The following ENAH variants were observed in gnomAD, a reference collection of about 807,000 sequenced individuals.
ENAH encodes the protein protein enabled homolog.
Under a neutral mutation model 78.7 loss-of-function variants are expected in ENAH, and 23 were observed. The ratio of observed to expected loss-of-function variants is 0.29; its 90% CI spans 0.21 to 0.41. The LOEUF (loss-of-function observed/expected upper bound fraction) is 0.41. Ranked by LOEUF, ENAH falls within the 10% of genes least tolerant of loss-of-function variation. The pLI is 1.00. For synonymous variants in ENAH, 226 were observed against 241.0 expected (o/e 0.94, Z 0.58); for missense variants, 544 against 691.0 (o/e 0.79, Z 2.39).
At chr1:225,607,830 T>A (rs1484009489) in intron 1 of ENAH, among the ~76,000 whole-genome samples, 2 of 152,124 alleles carry the variant, frequency 1.3e-5, no homozygotes, top group African/African-American at 4.8e-5. Flanking sequence ...CACTGACAGC[T>A]GAGGGTCCCC....
chr1:225,574,519 T>C (rs944367441), intron 1 of ENAH, among the ~76,000 whole-genome samples: 1 of 151,862 alleles, frequency 6.6e-6, no homozygotes, highest in Non-Finnish European at 1.5e-5. Context: ...TGAGATTCGC[T>C]TGAACCTGGG....
intron 1 of ENAH, among the ~76,000 whole-genome samples, chr1:225,615,100 C>A (rs1306281032): frequency 6.6e-6 from 1 of 152,138 alleles, no homozygotes; most frequent in Non-Finnish European, 1.5e-5. Flanking sequence ...CGAGCGGAGG[C>A]TGGACTGTGC....
intron 4 of ENAH, among the ~76,000 whole-genome samples, chr1:225,523,081 C>G (rs2096482307): frequency 6.6e-6 from 1 of 152,024 alleles, no homozygotes; most frequent in Non-Finnish European, 1.5e-5. Flanking sequence ...TTCTACAACT[C>G]CCTCACTACA....
chr1:225,549,238 G>A (rs1193177107), intron 3 of ENAH, among the ~76,000 whole-genome samples: 1 of 152,144 alleles, frequency 6.6e-6, no homozygotes, highest in African/African-American at 2.4e-5. Context: ...TTTGTCCAGG[G>A]TTATCTTTGG....
At chr1:225,551,495 G>GTTCC (rs1558799452) in intron 3 of ENAH, among the ~76,000 whole-genome samples, 2 of 152,100 alleles carry the variant, frequency 1.3e-5, no homozygotes, top group African/African-American at 2.4e-5. Flanking sequence ...AGCACAAAAC[G>GTTCC]TGAGCTAGTA....
chr1:225,497,193 G>A lies in ENAH; in HGVS notation c.*582C>T, dbSNP rs995059712. The A allele has an allele frequency of 3.9e-5, 6 of 152,558 alleles. No individual in the cohort carries two copies. Among genetic ancestry groups the A allele is most frequent in the African/African-American group, 1.2e-4 (5 of 41,442 alleles). The allele number at this position is 152,558 out of a possible 1,614,324, so 9.5% of individuals were successfully genotyped here. A position where few individuals can be genotyped will look rare whatever the true frequency, so the allele number is the denominator to read the frequency against. On this transcript the variant is annotated 3_prime_UTR_variant, in exon 14 of 14. Transcript: ENST00000366843. Reference sequence around the variant, plus strand: ...TCTCAAGCTGAAGAAACATTTTTCGGACACTTTCTTATAAATATTACCCTT... The same window carrying A: ...TCTCAAGCTGAAGAAACATTTTTCGAACACTTTCTTATAAATATTACCCTT...
chr1:225,563,353 C>T (rs781302058), intron 2 of ENAH, among the ~76,000 whole-genome samples: 5 of 152,090 alleles, frequency 3.3e-5, no homozygotes, highest in Non-Finnish European at 7.4e-5. Context: ...AGCTGAAATG[C>T]TCAATTTATT....
chr1:225,511,262 C>T (rs1025065208), intron 10 of ENAH, among the ~76,000 whole-genome samples: 7 of 152,070 alleles, frequency 4.6e-5, no homozygotes, highest in Admixed American at 6.5e-5. Context: ...GTAATGAGTT[C>T]GTATTCTCAT....
At chr1:225,514,026 G>C (rs2096397552) in intron 7 of ENAH, among the ~76,000 whole-genome samples, 1 of 151,884 alleles carries the variant, frequency 6.6e-6, no homozygotes, top group Non-Finnish European at 1.5e-5. Context: ...TGTAAAGAAG[G>C]AAACATATCC....
chr1:225,547,867 A>G (rs1236726113), intron 3 of ENAH, among the ~76,000 whole-genome samples: 1 of 152,056 alleles, frequency 6.6e-6, no homozygotes, highest in Non-Finnish European at 1.5e-5. Context: ...CTTGTCACTA[A>G]TATGTTCCCG....
At chr1:225,638,518 T>C (rs1329771874) in intron 1 of ENAH, among the ~76,000 whole-genome samples, 4 of 152,228 alleles carry the variant, frequency 2.6e-5, no homozygotes, top group South Asian at 2.1e-4. Context: ...CAATGGGTCA[T>C]ACCTATGCAC....
intron 1 of ENAH, among the ~76,000 whole-genome samples, chr1:225,651,757 G>C (rs557522770): frequency 6.6e-6 from 1 of 152,098 alleles, no homozygotes; most frequent in Admixed American, 6.6e-5. Context: ...AAAAGAGAAG[G>C]TTATGGACAC....
At chr1:225,523,620 T>C (rs2096485708) in intron 4 of ENAH, among the ~76,000 whole-genome samples, 1 of 152,160 alleles carries the variant, frequency 6.6e-6, no homozygotes, top group Non-Finnish European at 1.5e-5. Flanking sequence ...GCTTGCTTGC[T>C]GAAAAGATGC....
rs1019767613 is a variant in ENAH, at chr1:225,543,287, G to A, written c.349+11619C>T. On this transcript the variant is annotated intron_variant, in intron 3 of 13. Coordinates refer to ENST00000366843, the MANE Select transcript of ENAH (RefSeq NM_018212.6). Reference sequence around the variant, plus strand: ...GAAACCAGTGAGTATTTCTGAATAGGAAAAGGAATTCTCTTTGTTACAATA... The same window carrying A: ...GAAACCAGTGAGTATTTCTGAATAGAAAAAGGAATTCTCTTTGTTACAATA... 2.0e-5 allele frequency among the ~76,000 whole-genome samples: 3 copies of A among 152,130 alleles called. No homozygotes were observed. In the South Asian group the frequency reaches 6.2e-4, roughly 31 times the overall value.
At chr1:225,640,626 C>A (rs1384367251) in intron 1 of ENAH, among the ~76,000 whole-genome samples, 1 of 152,136 alleles carries the variant, frequency 6.6e-6, no homozygotes, top group Non-Finnish European at 1.5e-5. Flanking sequence ...ATCCCAGTTC[C>A]ACTCTCTACT....
intron 1 of ENAH, among the ~76,000 whole-genome samples, chr1:225,624,497 G>A (rs1229033035): frequency 1.3e-5 from 2 of 151,888 alleles, no homozygotes; most frequent in South Asian, 2.1e-4. Context: ...GGTGGTAGGC[G>A]CCTGTAATAC....
rs1385032423 is a variant in ENAH at position 225,567,235 on chromosome 1, T to C, written c.171+14A>G. 1.2e-6 allele frequency: 2 copies of C among 1,609,092 alleles called. No homozygotes were observed. The highest frequency in any genetic ancestry group is 2.7e-5 in the African/African-American group (2 of 74,724). Reference sequence around the variant, plus strand: ...ACTAAATCATTTTTAACAACAATTGTAGTAAAGCCTTACCTGATGGTCCTG... The same window carrying C: ...ACTAAATCATTTTTAACAACAATTGCAGTAAAGCCTTACCTGATGGTCCTG... On this transcript the variant is annotated intron_variant, in intron 2 of 13. Transcript: ENST00000366843.
intron 1 of ENAH, among the ~76,000 whole-genome samples, chr1:225,646,499 T>C (rs1005461949): frequency 1.3e-5 from 2 of 152,180 alleles, no homozygotes; most frequent in Non-Finnish European, 2.9e-5. Flanking sequence ...ACCTGATCTC[T>C]GACTTCCAGC....
rs560337501 is a variant in ENAH at position 225,589,977 on chromosome 1, G to A, written c.6-22563C>T. Among the ~76,000 whole-genome samples the A allele has an allele frequency of 8.8e-4, 134 of 152,110 alleles. 1 individual carries two copies. The highest frequency in any genetic ancestry group is 3.2e-3 in the African/African-American group (134 of 41,496). On this transcript the variant is annotated intron_variant, in intron 1 of 13. Coordinates refer to ENST00000366843, the MANE Select transcript of ENAH (RefSeq NM_018212.6). ...GTTTTATTTCTCCATATTCATTCAA[G>A]TAAGTATTCTAAGAATTTTAAATCA...
Sources: gnomAD v4.1 joint callset for allele counts (sites outside exome capture counted in the v4.1 genomes callset) on GRCh38, gnomAD v4.1.1 for gene constraint, MANE v1.5 for transcripts, NCBI Gene and HGNC (gene_info 2026-07-23, HGNC 2026-07-21) for gene names.